Variants in MTUS2 observed in about 807,000 individuals in gnomAD.
The protein encoded by MTUS2 is microtubule-associated tumor suppressor candidate 2.
MTUS2 carries 40 observed loss-of-function variants against 114.1 expected under a neutral mutation model. That is an observed-to-expected ratio of 0.35 (90% confidence interval 0.27 to 0.46). The LOEUF (loss-of-function observed/expected upper bound fraction) is 0.46, where lower values mean the gene tolerates loss of function less well. Among genes scored for constraint, MTUS2 ranks in the 20% least tolerant of loss-of-function variants. The pLI, the probability that MTUS2 is intolerant of heterozygous loss-of-function variation, is 1.00. For synonymous variants in MTUS2, 688 were observed against 672.0 expected (o/e 1.02, Z -0.37); for missense variants, 1,679 against 1,705.4 (o/e 0.98, Z 0.27).
intron 4 of MTUS2, among the ~76,000 whole-genome samples, chr13:29,056,025 A>G (rs1463165802): frequency 1.3e-5 from 2 of 151,942 alleles, no homozygotes; most frequent in African/African-American, 2.4e-5. Flanking sequence ...TACTCTGTTG[A>G]TAGTTTCTTT....
intron 4 of MTUS2, among the ~76,000 whole-genome samples, chr13:29,067,370 G>A (rs560630911): frequency 2.0e-5 from 3 of 152,106 alleles, no homozygotes; most frequent in Admixed American, 6.6e-5. Flanking sequence ...CCAGGAAAAT[G>A]TAGTGTATGA....
At chr13:29,196,053 G>A (rs2139215787) in intron 5 of MTUS2, among the ~76,000 whole-genome samples, 1 of 151,936 alleles carries the variant, frequency 6.6e-6, no homozygotes, top group Middle Eastern at 3.4e-3. Flanking sequence ...CACAGAGGCT[G>A]TCAGAAAAAT....
chr13:28,842,515 GA>G, intron 2 of MTUS2, among the ~76,000 whole-genome samples: 1 of 152,170 alleles, frequency 6.6e-6, no homozygotes, highest in Non-Finnish European at 1.5e-5. Context: ...CTGGCTTAAT[GA>G]ATATTAAAAT....
intron 2 of MTUS2, among the ~76,000 whole-genome samples, chr13:28,907,057 G>A (rs1333929428): frequency 6.6e-6 from 1 of 151,638 alleles, no homozygotes; most frequent in Non-Finnish European, 1.5e-5. Context: ...AGATCTCTCG[G>A]CAGAAACCGT....
intron 6 of MTUS2, among the ~76,000 whole-genome samples, chr13:29,285,398 A>G (rs1407877779): frequency 6.6e-6 from 1 of 152,240 alleles, no homozygotes; most frequent in Non-Finnish European, 1.5e-5. Flanking sequence ...AACACATGAT[A>G]AAACATCCCT....
chr13:29,065,920 C>G (rs556308024), intron 4 of MTUS2, among the ~76,000 whole-genome samples: 2,487 of 152,248 alleles, frequency 0.016, 57 homozygotes, highest in African/African-American at 0.056. Flanking sequence ...AAACCCCCCC[C>G]CACCTGACAT....
intron 5 of MTUS2, among the ~76,000 whole-genome samples, chr13:29,198,570 A>C (rs1316382578): frequency 6.6e-6 from 1 of 152,104 alleles, no homozygotes; most frequent in Non-Finnish European, 1.5e-5. Flanking sequence ...TTAGTTCCAT[A>C]TGAAATTTAA....
At chr13:29,040,539 T>G (rs1226801074) in intron 4 of MTUS2, among the ~76,000 whole-genome samples, 1 of 152,234 alleles carries the variant, frequency 6.6e-6, no homozygotes, top group Non-Finnish European at 1.5e-5. Flanking sequence ...GTCTCCACAC[T>G]GCTTTCTATA....
chr13:29,307,941 T>A (rs1310600517), intron 6 of MTUS2, among the ~76,000 whole-genome samples: 1 of 152,104 alleles, frequency 6.6e-6, no homozygotes, highest in Non-Finnish European at 1.5e-5. Flanking sequence ...AGCCCCACCT[T>A]GTCATGTACC....
intron 2 of MTUS2, among the ~76,000 whole-genome samples, chr13:28,893,282 G>T (rs1014450764): frequency 6.6e-6 from 1 of 152,172 alleles, no homozygotes; most frequent in Non-Finnish European, 1.5e-5. Context: ...AGGTATTCAT[G>T]TAGGGAAAGA....
At chr13:28,934,257 C>G (rs537114095) in intron 2 of MTUS2, among the ~76,000 whole-genome samples, 1 of 152,202 alleles carries the variant, frequency 6.6e-6, no homozygotes, top group African/African-American at 2.4e-5. Context: ...TTCATGTATC[C>G]CTACTATTGC....
chr13:29,142,327 C>A (rs1197282293), intron 5 of MTUS2, among the ~76,000 whole-genome samples: 1 of 152,114 alleles, frequency 6.6e-6, no homozygotes, highest in Non-Finnish European at 1.5e-5. Context: ...AGTTGAAGCC[C>A]AATAATTTGT....
intron 2 of MTUS2, among the ~76,000 whole-genome samples, chr13:28,986,123 G>C (rs1884574229): frequency 6.6e-6 from 1 of 151,972 alleles, no homozygotes; most frequent in Admixed American, 6.6e-5. Context: ...AGTTATTTGG[G>C]TCTGAAGCAG....
chr13:28,896,313 A>G (rs1311846516), intron 2 of MTUS2, among the ~76,000 whole-genome samples: 1 of 152,212 alleles, frequency 6.6e-6, no homozygotes, highest in Non-Finnish European at 1.5e-5. Context: ...TGCTTCAAAG[A>G]GAATAAAATA....
At chr13:29,388,320 T>G (rs1872772152) in intron 8 of MTUS2, among the ~76,000 whole-genome samples, 2 of 151,998 alleles carry the variant, frequency 1.3e-5, no homozygotes, top group Admixed American at 6.6e-5. Context: ...CGTACTTTTT[T>G]GTCGTTTACC....
rs148211660 is a variant in MTUS2, at chr13:28,928,034, A to G, written c.-243+88184A>G. Among the ~76,000 whole-genome samples the G allele has an allele frequency of 4.1e-3, 617 of 152,330 alleles. 5 individuals carry two copies. Among genetic ancestry groups the G allele is most frequent in the African/African-American group, 0.014 (589 of 41,572 alleles). On this transcript the variant is annotated intron_variant, in intron 2 of 15. Transcript: ENST00000612955. ...TAGGGAAATAAATGGTGCTGGGAAA[A>G]CTAGATATCCATACGCAGAAGAATG...
intron 2 of MTUS2, among the ~76,000 whole-genome samples, chr13:28,984,809 G>A (rs938357882): frequency 3.3e-5 from 5 of 152,224 alleles, no homozygotes; most frequent in Admixed American, 6.5e-5. Context: ...TATCAGATAC[G>A]TTATTTCTGA....
intron 5 of MTUS2, among the ~76,000 whole-genome samples, chr13:29,232,277 TACAC>T (rs869185360): frequency 1.1e-4 from 10 of 87,576 alleles, no homozygotes; most frequent in Middle Eastern, 5.0e-3. Context: ...TATACATACA[TACAC>T]ACACACACAC....
chr13:28,873,262 A>G (rs1566189876), intron 2 of MTUS2, among the ~76,000 whole-genome samples: 2 of 152,194 alleles, frequency 1.3e-5, no homozygotes. Context: ...TCTTCCTGCC[A>G]AGAGTGTTTG....
Sources: allele counts gnomAD v4.1 joint callset (sites outside exome capture counted in the v4.1 genomes callset), GRCh38; gene constraint gnomAD v4.1.1; transcripts MANE v1.5; gene names NCBI Gene and HGNC (gene_info 2026-07-23, HGNC 2026-07-21).